Variants in RAD51B observed in about 807,000 individuals in gnomAD.
The protein encoded by RAD51B is RAD51 paralog B, also known as DNA repair protein RAD51 homolog 2.
In RAD51B, 38 loss-of-function variants were observed where a neutral mutation model predicts 42.2. The observed-to-expected ratio is 0.90, with a 90% confidence interval of 0.70 to 1.18. RAD51B has a LOEUF of 1.18. RAD51B is among the 50% of genes most tolerant of loss of function. The pLI, the probability that RAD51B is intolerant of heterozygous loss-of-function variation, is 0.00. For missense variants in RAD51B, 373 were observed against 400.7 expected, an observed-to-expected ratio of 0.93 and a Z score of 0.59; for synonymous variants, 154 against 145.2, an observed-to-expected ratio of 1.06 and a Z score of -0.43.
chr14:68,557,106 A>G (rs1198682752), intron 10 of RAD51B, among the ~76,000 whole-genome samples: 1 of 152,190 alleles, frequency 6.6e-6, no homozygotes, highest in Non-Finnish European at 1.5e-5. Flanking sequence ...TCAGGAGAAC[A>G]CTTTTTATAA....
intron 10 of RAD51B, among the ~76,000 whole-genome samples, chr14:68,474,093 C>A (rs1022962818): frequency 6.6e-6 from 1 of 152,174 alleles, no homozygotes; most frequent in South Asian, 2.1e-4. Flanking sequence ...TGTGAATGTA[C>A]CACATGCTAC....
chr14:68,548,501 G>A (rs752523816), intron 10 of RAD51B, among the ~76,000 whole-genome samples: 24 of 152,346 alleles, frequency 1.6e-4, no homozygotes, highest in African/African-American at 4.6e-4. Context: ...GATTTACTCC[G>A]CAGGAGCTGG....
chr14:67,857,230 T>C (rs2042024730), intron 4 of RAD51B, among the ~76,000 whole-genome samples: 1 of 152,148 alleles, frequency 6.6e-6, no homozygotes, highest in African/African-American at 2.4e-5. Flanking sequence ...TAGGAAGAGA[T>C]GAAAAAAATT....
chr14:68,507,196 C>T (rs187441788), intron 10 of RAD51B, among the ~76,000 whole-genome samples: 122 of 152,208 alleles, frequency 8.0e-4, no homozygotes, highest in Non-Finnish European at 1.2e-3. Flanking sequence ...GAAAGTAGAG[C>T]TCTAATTTTA....
intron 10 of RAD51B, among the ~76,000 whole-genome samples, chr14:68,575,722 C>T (rs1889934145): frequency 6.6e-6 from 1 of 152,196 alleles, no homozygotes; most frequent in South Asian, 2.1e-4. Flanking sequence ...GGCTCATGCC[C>T]CAGTTGGCAG....
chr14:68,369,798 G>T (rs1401336617), intron 8 of RAD51B, among the ~76,000 whole-genome samples: 2 of 152,176 alleles, frequency 1.3e-5, no homozygotes, highest in South Asian at 2.1e-4. Context: ...TGATCACACA[G>T]AAGTCATTTC....
intron 7 of RAD51B, among the ~76,000 whole-genome samples, chr14:68,046,495 T>G (rs1464000949): frequency 6.6e-6 from 1 of 152,226 alleles, no homozygotes; most frequent in Non-Finnish European, 1.5e-5. Context: ...TCCCAGCACT[T>G]TGGGAGGCCG....
chr14:68,637,839 C>A (rs1219605452), intron 10 of RAD51B, among the ~76,000 whole-genome samples: 1 of 152,226 alleles, frequency 6.6e-6, no homozygotes, highest in Non-Finnish European at 1.5e-5. Flanking sequence ...CACTTGCACA[C>A]ACAGGCAGCC....
rs566868077 is a variant in RAD51B, at chr14:68,034,977, C to G, written c.756+147773C>G. On this transcript the variant is annotated intron_variant, in intron 7 of 10. Coordinates refer to ENST00000471583, the MANE Select transcript of RAD51B (RefSeq NM_133510.4). ...TTGACTGAAGGGAATTAACTTTGGT[C>G]TTCCAAACTTAAATATATACCAGAT... 1.3e-3 allele frequency among the ~76,000 whole-genome samples: 193 copies of G among 152,240 alleles called. 1 individual carries two copies. The highest frequency in any genetic ancestry group is 4.5e-3 in the African/African-American group (189 of 41,542).
chr14:68,271,700 A>C (rs1000674186), intron 7 of RAD51B, among the ~76,000 whole-genome samples: 1 of 152,192 alleles, frequency 6.6e-6, no homozygotes, highest in Non-Finnish European at 1.5e-5. Context: ...GCCTCACAGG[A>C]GAGTGGCCAG....
At chr14:68,055,022 TG>T (rs1331672053) in intron 7 of RAD51B, among the ~76,000 whole-genome samples, 1 of 152,178 alleles carries the variant, frequency 6.6e-6, no homozygotes, top group Non-Finnish European at 1.5e-5. Flanking sequence ...TCAGTGTTGA[TG>T]GTGGTGTGAA....
chr14:68,016,682 T>G (rs945841724), intron 7 of RAD51B, among the ~76,000 whole-genome samples: 5 of 152,328 alleles, frequency 3.3e-5, no homozygotes, highest in Admixed American at 2.6e-4. Flanking sequence ...CTCTGCTGAC[T>G]GTGTAACTTT....
At chr14:67,923,298 C>CTTTTTTTTTTTTTTTTTTT (rs34809964) in intron 7 of RAD51B, among the ~76,000 whole-genome samples, 2 of 123,658 alleles carry the variant, frequency 1.6e-5, no homozygotes, top group Non-Finnish European at 3.3e-5. Context: ...TTTTCTTTTT[C>CTTTTTTTTTTTTTTTTTTT]TTTTTTTTTT....
In RAD51B at chr14:68,153,657, T is replaced by G. The variant is rs561125525; in HGVS notation, c.757-138227T>G. On this transcript the variant is annotated intron_variant, in intron 7 of 10. Transcript: ENST00000471583. ...TCTTTTTTTGAAAAGTGTCTATTCA[T>G]GTCCTTTTTAATGGGGTTGTTTTTT... Among the ~76,000 whole-genome samples, 5 of 152,330 alleles carry G rather than the reference T, an allele frequency of 3.3e-5. No individual in the cohort carries two copies. In the East Asian group the frequency reaches 9.6e-4, roughly 29 times the overall value.
At chr14:68,563,557 C>A (rs1388408626) in intron 10 of RAD51B, 10 of 985,320 alleles carry the variant, frequency 1.0e-5, no homozygotes, top group Non-Finnish European at 1.2e-5. Flanking sequence ...CAGATTAGAA[C>A]CAGCCATTTC....
chr14:68,080,082 A>G (rs901498542), intron 7 of RAD51B, among the ~76,000 whole-genome samples: 1 of 152,236 alleles, frequency 6.6e-6, no homozygotes, highest in Non-Finnish European at 1.5e-5. Flanking sequence ...GTATGACATC[A>G]GGACACTTAG....
At chr14:68,150,987 A>G (rs1012083858) in intron 7 of RAD51B, among the ~76,000 whole-genome samples, 5 of 152,066 alleles carry the variant, frequency 3.3e-5, no homozygotes, top group African/African-American at 7.2e-5. Context: ...TAATAAATAT[A>G]TATTACCCAG....
At chr14:68,498,935 A>G (rs532131237) in intron 10 of RAD51B, among the ~76,000 whole-genome samples, 1 of 152,300 alleles carries the variant, frequency 6.6e-6, no homozygotes, top group Non-Finnish European at 1.5e-5. Context: ...CCTATGACAC[A>G]TGGATCTCTA....
At chr14:68,394,599 G>C (rs150808954) in intron 8 of RAD51B, among the ~76,000 whole-genome samples, 1 of 152,356 alleles carries the variant, frequency 6.6e-6, no homozygotes, top group East Asian at 1.9e-4. Context: ...CAGAGACCCA[G>C]ATTTCTTGTT....
Sources: allele counts gnomAD v4.1 joint callset (sites outside exome capture counted in the v4.1 genomes callset), GRCh38; gene constraint gnomAD v4.1.1; transcripts MANE v1.5; gene names NCBI Gene and HGNC (gene_info 2026-07-23, HGNC 2026-07-21).